The following NFATC3 variants were observed in gnomAD, a reference collection of about 807,000 sequenced individuals.
NFATC3 encodes the protein nuclear factor of activated T-cells, cytoplasmic 3.
A neutral mutation model predicts 98.6 loss-of-function variants in NFATC3; 46 were observed. That is an observed-to-expected ratio of 0.47 (90% CI 0.37 to 0.60). NFATC3 has a LOEUF of 0.60. Among genes scored for constraint, NFATC3 ranks in the 20% least tolerant of loss-of-function variants. The probability of loss-of-function intolerance (pLI) is 0.00; values close to 1 mark genes in which losing one functional copy is unlikely to be tolerated. For synonymous variants in NFATC3, 512 were observed against 472.2 expected (o/e 1.08, Z -1.09); for missense variants, 1,256 against 1,295.5 (o/e 0.97, Z 0.47).
At chr16:68,143,485 A>T (rs2037867703) in intron 3 of NFATC3, among the ~76,000 whole-genome samples, 1 of 152,194 alleles carries the variant, frequency 6.6e-6, no homozygotes, top group Admixed American at 6.6e-5. Flanking sequence ...CCCATAAGGC[A>T]AAAGAATAAA....
intron 2 of NFATC3, among the ~76,000 whole-genome samples, chr16:68,123,922 T>G (rs1171045703): frequency 6.6e-6 from 1 of 151,780 alleles, no homozygotes; most frequent in East Asian, 1.9e-4. Context: ...AGATGGAGGC[T>G]GCAGTGAGCT....
chr16:68,210,215 G>A (rs1397312500), intron 9 of NFATC3, among the ~76,000 whole-genome samples: 1 of 151,568 alleles, frequency 6.6e-6, no homozygotes, highest in East Asian at 1.9e-4. Flanking sequence ...GGAGAATGGC[G>A]TGAACCCGGA....
At chr16:68,216,063 T>A (rs2041627456) in intron 9 of NFATC3, among the ~76,000 whole-genome samples, 1 of 152,060 alleles carries the variant, frequency 6.6e-6, no homozygotes, top group Non-Finnish European at 1.5e-5. Flanking sequence ...GAGAAGGATC[T>A]GGGGAGACAA....
At chr16:68,143,111 C>T (rs572720721) in intron 3 of NFATC3, among the ~76,000 whole-genome samples, 6 of 151,066 alleles carry the variant, frequency 4.0e-5, no homozygotes, top group Admixed American at 4.0e-4. Context: ...TGGTGGTACC[C>T]ACCTTGAGTC....
intron 3 of NFATC3, among the ~76,000 whole-genome samples, chr16:68,147,859 T>G (rs1191280635): frequency 6.6e-6 from 1 of 151,984 alleles, no homozygotes; most frequent in Non-Finnish European, 1.5e-5. Flanking sequence ...GGTATAAATC[T>G]GGATGAATCT....
intron 9 of NFATC3, among the ~76,000 whole-genome samples, chr16:68,215,722 CTTTTTT>C (rs35024337): frequency 4.2e-5 from 4 of 96,040 alleles, no homozygotes; most frequent in African/African-American, 1.3e-4. Context: ...GAGATTTGCA[CTTTTTT>C]TTTTTTTTTT....
At chr16:68,127,215 A>G (rs1342476705) in intron 3 of NFATC3, among the ~76,000 whole-genome samples, 1 of 152,146 alleles carries the variant, frequency 6.6e-6, no homozygotes, top group East Asian at 1.9e-4. Flanking sequence ...TCTGTCTCTA[A>G]ATAAATAAAT....
intron 9 of NFATC3, chr16:68,214,359 C>T: frequency 6.2e-7 from 1 of 1,614,176 alleles, no homozygotes; most frequent in Non-Finnish European, 8.5e-7. Context: ...GAACACCAGC[C>T]ATCAGGTTCA....
chr16:68,114,188 TG>T (rs1158509174), intron 1 of NFATC3, among the ~76,000 whole-genome samples: 2 of 152,150 alleles, frequency 1.3e-5, no homozygotes, highest in Non-Finnish European at 1.5e-5. Flanking sequence ...TGGCTGGGTG[TG>T]GGAGTTCGCC....
intron 9 of NFATC3, among the ~76,000 whole-genome samples, chr16:68,216,947 T>G (rs1028533126): frequency 3.9e-5 from 6 of 152,156 alleles, no homozygotes; most frequent in African/African-American, 1.4e-4. Context: ...AGAGCTAATG[T>G]TAAAAGTGAA....
chr16:68,144,814 C>G (rs143433060), intron 3 of NFATC3, among the ~76,000 whole-genome samples: 1 of 152,010 alleles, frequency 6.6e-6, no homozygotes, highest in Non-Finnish European at 1.5e-5. Context: ...CCTGCCACCA[C>G]GCCCAGCTGA....
intron 1 of NFATC3, among the ~76,000 whole-genome samples, chr16:68,119,250 C>T (rs1210776017): frequency 6.6e-6 from 1 of 152,154 alleles, no homozygotes; most frequent in Admixed American, 6.6e-5. Flanking sequence ...CAACAAGTTC[C>T]GTCAGCACTA....
intron 1 of NFATC3, among the ~76,000 whole-genome samples, chr16:68,112,863 C>G (rs2036056680): frequency 6.6e-6 from 1 of 151,784 alleles, no homozygotes; most frequent in Admixed American, 6.6e-5. Flanking sequence ...ATCCTTTCCT[C>G]TGCCTGGTCT....
At chr16:68,129,263 C>A (rs2036998681) in intron 3 of NFATC3, among the ~76,000 whole-genome samples, 1 of 152,140 alleles carries the variant, frequency 6.6e-6, no homozygotes, top group African/African-American at 2.4e-5. Context: ...AGGCACTTCT[C>A]AAAAACAAAG....
intron 1 of NFATC3, among the ~76,000 whole-genome samples, chr16:68,108,576 A>G (rs1407334606): frequency 2.0e-5 from 3 of 152,200 alleles, no homozygotes. Flanking sequence ...TTTTGGTTCC[A>G]TATGAATTTT....
At chr16:68,106,254 T>TA (rs773416492) in intron 1 of NFATC3, among the ~76,000 whole-genome samples, 1 of 152,094 alleles carries the variant, frequency 6.6e-6, no homozygotes, top group Non-Finnish European at 1.5e-5. Context: ...AAAATCCACT[T>TA]ACGTTGTGCT....
At chr16:68,218,735 G>A (rs1292500663) in intron 9 of NFATC3, among the ~76,000 whole-genome samples, 6 of 150,850 alleles carry the variant, frequency 4.0e-5, no homozygotes, top group African/African-American at 1.5e-4. Context: ...GCCACGCCCA[G>A]CTAATTTTTT....
At chr16:68,194,256 A>G (rs1461466540) in intron 9 of NFATC3, among the ~76,000 whole-genome samples, 3 of 152,154 alleles carry the variant, frequency 2.0e-5, no homozygotes, top group African/African-American at 4.8e-5. Context: ...AGAACTCTCT[A>G]CTAAACGGAA....
chr16:68,183,088 T>C (rs1406153239), intron 7 of NFATC3, 152 bp from the exon 8 acceptor site: 2 of 739,466 alleles, frequency 2.7e-6, no homozygotes, highest in African/African-American at 1.8e-5. Context: ...AGTATCCCTT[T>C]AGTAAATCTC....
Sources: gnomAD v4.1 joint callset for allele counts (sites outside exome capture counted in the v4.1 genomes callset) on GRCh38, gnomAD v4.1.1 for gene constraint, MANE v1.5 for transcripts, NCBI Gene and HGNC (gene_info 2026-07-23, HGNC 2026-07-21) for gene names.